MCFD2: variants seen among roughly 807,000 people sequenced by gnomAD.
MCFD2 encodes multiple coagulation factor deficiency protein 2.
In MCFD2, 11 loss-of-function variants were observed where a neutral mutation model predicts 12.8. The ratio of observed to expected loss-of-function variants is 0.86; its 90% CI spans 0.54 to 1.42. MCFD2 has a LOEUF of 1.42. Ranked by LOEUF, MCFD2 falls within the 40% of genes most tolerant of loss-of-function variation. MCFD2 has a pLI of 0.00. For missense variants in MCFD2, 191 were observed against 178.6 expected, an observed-to-expected ratio of 1.07 and a Z score of -0.40; for synonymous variants, 70 against 68.1, an observed-to-expected ratio of 1.03 and a Z score of -0.14.
chr2:46,915,923 G>T (rs1391213185), upstream of MCFD2: 1 of 985,202 alleles, frequency 1.0e-6, no homozygotes, highest in Non-Finnish European at 1.2e-6. Context: ...CGGCTCGCGT[G>T]AGTCCACGTG....
intron 1 of MCFD2, among the ~76,000 whole-genome samples, chr2:46,930,369 G>C (rs538463752): frequency 2.2e-4 from 32 of 145,212 alleles, no homozygotes; most frequent in African/African-American, 8.2e-4. Flanking sequence ...ACACTTAAAA[G>C]ATAAGCAGAT....
chr2:46,934,787 CTTTTTTTTTTTTTTTT>C (rs1161003607), intron 1 of MCFD2, among the ~76,000 whole-genome samples: 19 of 66,922 alleles, frequency 2.8e-4, no homozygotes, highest in Middle Eastern at 0.015. Context: ...GACTACTGCT[CTTTTTTTTTTTTTTTT>C]TTTTTTTTTT....
At chr2:46,913,426 C>T (rs983942348) in intron 1 of MCFD2, among the ~76,000 whole-genome samples, 1 of 152,106 alleles carries the variant, frequency 6.6e-6, no homozygotes, top group Non-Finnish European at 1.5e-5. Flanking sequence ...GGAAAGAAGG[C>T]AGGCGAGGGA....
At chr2:46,915,519 C>T (rs1668696098) in intron 1 of MCFD2, among the ~76,000 whole-genome samples, 1 of 152,194 alleles carries the variant, frequency 6.6e-6, no homozygotes, top group African/African-American at 2.4e-5. Context: ...TCGGCCCCGT[C>T]TGGCTCCAGA....
In MCFD2 at chr2:46,940,743, G is replaced by T. The variant is rs2103878468; in HGVS notation, c.-8+829C>A. Among the ~76,000 whole-genome samples the T allele has an allele frequency of 6.6e-6, 1 of 152,312 alleles. No individual in the cohort carries two copies. On this transcript the variant is annotated intron_variant, in intron 1 of 2. Coordinates refer to the MCFD2 transcript ENST00000409147. The surrounding 1 kb of genome is among the most constrained non-coding windows in gnomAD (Gnocchi z 4.7). ...GGCGTCCAGAGAGTCGCGGGCCTGG[G>T]AACGGGCCTGGGTCCTCGCGAGCAT...
At chr2:46,933,514 A>G (rs1669817410) in intron 1 of MCFD2, among the ~76,000 whole-genome samples, 1 of 152,248 alleles carries the variant, frequency 6.6e-6, no homozygotes, top group African/African-American at 2.4e-5. Flanking sequence ...AAAGGAAAAG[A>G]CCATATAGCC....
In MCFD2 at chr2:46,941,826, C is replaced by A; in HGVS notation, c.-262G>T. 1 of 1,449,800 alleles carries A rather than the reference C, an allele frequency of 6.9e-7. No individual in the cohort carries two copies. The highest frequency in any genetic ancestry group is 1.3e-5 in the South Asian group (1 of 77,890). 89.8% of individuals were successfully genotyped at this position (1,449,800 alleles called of 1,614,324 possible). The stretch of plus-strand genomic sequence containing the variant: ...ACAGTCCTCGGCCGACAGCGGGCGC[C>A]TGCCAGCCCACCGTGCTAGTCTTAA... On this transcript the variant is annotated 5_prime_UTR_variant, in exon 1 of 3. Coordinates refer to the MCFD2 transcript ENST00000409147. The surrounding 1 kb of genome is among the most constrained non-coding windows in gnomAD (Gnocchi z 4.2).
In MCFD2 at chr2:46,907,897, G is replaced by A; in HGVS notation, c.222C>T (p.Leu74=). 1 of 1,614,148 alleles carries A rather than the reference G, an allele frequency of 6.2e-7. No individual in the cohort carries two copies. Among genetic ancestry groups the A allele is most frequent in the South Asian group, 1.1e-5 (1 of 91,078 alleles). ...EAEMSPQELQ[L]HYFKMHDYDG... is the part of the protein sequence containing the mutation. ...CATAATCATGCATTTTGAAGTAATG[G>A]AGCTGCAATTCTTGTGGCGACATCT... The change falls in exon 3 of 4, where the codon CTC becomes CTT. Residue 74 remains leucine, a synonymous_variant. Coordinates refer to ENST00000319466, the MANE Select transcript of MCFD2 (RefSeq NM_139279.6). The surrounding 1 kb of genome is among the most constrained non-coding windows in gnomAD (Gnocchi z 4.1).
At chr2:46,925,329 G>C (rs1242223426) in intron 1 of MCFD2, among the ~76,000 whole-genome samples, 1 of 152,114 alleles carries the variant, frequency 6.6e-6, no homozygotes, top group Non-Finnish European at 1.5e-5. Context: ...AGGCTAAGGT[G>C]GGCGGATCAC....
At chr2:46,919,349 C>G (rs569463120), upstream of MCFD2, among the ~76,000 whole-genome samples, 21 of 152,268 alleles carry the variant, frequency 1.4e-4, no homozygotes, top group South Asian at 3.1e-3. Context: ...GCCTGGCCAG[C>G]ATGGTGAAAC....
At chr2:46,925,256 G>GT (rs1271718470) in intron 1 of MCFD2, among the ~76,000 whole-genome samples, 1 of 152,092 alleles carries the variant, frequency 6.6e-6, no homozygotes, top group Non-Finnish European at 1.5e-5. Flanking sequence ...ACACCCACTT[G>GT]TTTTTTTAAC....
chr2:46,902,816 T>G lies in MCFD2; in HGVS notation c.*2647A>C, dbSNP rs374313566. Reference sequence around the variant, plus strand: ...TACTGACCATGTTTGCCTGAAGAGATAGGAACCACCAGGGCAAACATTTGG... The same window carrying G: ...TACTGACCATGTTTGCCTGAAGAGAGAGGAACCACCAGGGCAAACATTTGG... On this transcript the variant is annotated 3_prime_UTR_variant, in exon 4 of 4. Coordinates refer to ENST00000319466, the MANE Select transcript of MCFD2 (RefSeq NM_139279.6). 2.0e-5 allele frequency: 3 copies of G among 152,304 alleles called. No individual in the cohort carries two copies. The highest frequency in any genetic ancestry group is 3.9e-4 in the East Asian group (2 of 5,194). The allele number at this position is 152,304 out of a possible 1,614,324, so 9.4% of individuals were successfully genotyped here.
intron 1 of MCFD2, among the ~76,000 whole-genome samples, chr2:46,934,732 CT>C (rs144800160): frequency 0.096 from 14,335 of 149,976 alleles, 763 homozygotes; most frequent in Middle Eastern, 0.12. Context: ...AAAACCATCA[CT>C]TTTGCCCTAT....
At position 46,908,452 on chromosome 2, in the gene MCFD2, C is replaced by A; in HGVS notation, c.150-483G>T. The A allele has an allele frequency of 3.7e-6, 1 of 269,038 alleles. No homozygotes were observed. Among genetic ancestry groups the A allele is most frequent in the Non-Finnish European group, 7.2e-6 (1 of 138,664 alleles). 16.7% of individuals were successfully genotyped at this position (269,038 alleles called of 1,614,324 possible). Reference sequence around the variant, plus strand: ...ATTTTTTGCAATTTTTTAGTAGAGACAGGTTTTCCCTATATTGCCTAGGCT... The same window carrying A: ...ATTTTTTGCAATTTTTTAGTAGAGAAAGGTTTTCCCTATATTGCCTAGGCT... On this transcript the variant is annotated intron_variant, in intron 2 of 3. Transcript: ENST00000319466. This position sits in a 1 kb window ranked among gnomAD's most constrained non-coding sequence, Gnocchi z 4.5.
upstream of MCFD2, chr2:46,915,967 C>T (rs555682166): frequency 1.2e-5 from 12 of 985,428 alleles, no homozygotes; most frequent in East Asian, 1.0e-3. Context: ...GCGGGACTGA[C>T]GCAGTTCTTC....
chr2:46,935,060 A>G (rs1405237161), intron 1 of MCFD2, among the ~76,000 whole-genome samples: 3 of 151,906 alleles, frequency 2.0e-5, no homozygotes, highest in Non-Finnish European at 4.4e-5. Context: ...CGGCCTCCCA[A>G]AGTGTGGGGA....
At chr2:46,917,311 G>C (rs746180259), upstream of MCFD2, 50 of 644,260 alleles carry the variant, frequency 7.8e-5, no homozygotes, top group South Asian at 8.4e-4. Context: ...GAATCCCTAA[G>C]TTTTGAGGAA....
At position 46,909,068 on chromosome 2, in the gene MCFD2, TG is replaced by T. The variant is rs1253799389; in HGVS notation, c.103del (p.Gln35AsnfsTer22). On this transcript the variant is annotated frameshift_variant, in exon 2 of 4. Transcript: ENST00000319466. LOFTEE classifies it high-confidence loss of function. ...CTTATCCAGGCCCATGCTGCCGGGT[TG>T]GGAGAAGCTGGCTGCAGGCTCCTCA... ...RAEEPAASFS[Q>X]PGSMGLDKNT... 2 of 1,614,204 alleles carry T rather than the reference TG, an allele frequency of 1.2e-6. No homozygotes were observed. Among genetic ancestry groups the T allele is most frequent in the Non-Finnish European group, 1.7e-6 (2 of 1,180,030 alleles).
At position 46,901,901 on chromosome 2, in the gene MCFD2, A is replaced by G. The variant is rs1157745554; in HGVS notation, c.*3562T>C. On this transcript the variant is annotated 3_prime_UTR_variant, in exon 4 of 4. Transcript: ENST00000319466. The surrounding 1 kb of genome is among the most constrained non-coding windows in gnomAD (Gnocchi z 4.3). ...TTGCTTCATCAGTTTTATTGGTCATATATCCAGAATTCATCATATATAAAT... is the reference window on the plus strand; with the variant it reads ...TTGCTTCATCAGTTTTATTGGTCATGTATCCAGAATTCATCATATATAAAT... The G allele has an allele frequency of 6.5e-6, 1 of 152,698 alleles. No homozygotes were observed. The highest frequency in any genetic ancestry group is 6.5e-5 in the Admixed American group (1 of 15,288). 9.5% of individuals were successfully genotyped at this position (152,698 alleles called of 1,614,324 possible).
Sources: allele counts gnomAD v4.1 joint callset (sites outside exome capture counted in the v4.1 genomes callset), GRCh38; gene constraint gnomAD v4.1.1; non-coding constraint Gnocchi (gnomAD v3.1); transcripts MANE v1.5; gene names NCBI Gene and HGNC (gene_info 2026-07-23, HGNC 2026-07-21).